Variants in PEG3 observed in about 807,000 individuals in gnomAD.
PEG3 encodes the protein paternally-expressed gene 3 protein.
A neutral mutation model predicts 35.5 loss-of-function variants in PEG3; 23 were observed. That is an observed-to-expected ratio of 0.65 (90% confidence interval 0.47 to 0.92). The LOEUF (loss-of-function observed/expected upper bound fraction) is 0.92. Ranked by LOEUF, PEG3 falls within the 40% of genes least tolerant of loss-of-function variation. The pLI, the probability that PEG3 is intolerant of heterozygous loss-of-function variation, is 0.00. For synonymous variants in PEG3, 707 were observed against 697.0 expected, an observed-to-expected ratio of 1.01 and a Z score of -0.23; for missense variants, 1,960 against 1,985.3, an observed-to-expected ratio of 0.99 and a Z score of 0.24.
chr19:56,811,926 T>C lies in PEG3; in HGVS notation c.*1749A>G. On this transcript the variant is annotated 3_prime_UTR_variant, in exon 10 of 10. Coordinates refer to ENST00000326441, the MANE Select transcript of PEG3 (RefSeq NM_006210.3). ...GGTGATATATTAGGACTCCCTTCTT[T>C]GACTCACTCATTTCTGCTTCTTGCT... 1.0e-6 allele frequency: 1 copy of C among 985,308 alleles called. No homozygotes were observed. The highest frequency in any genetic ancestry group is 1.2e-6 in the Non-Finnish European group (1 of 829,832). The allele number at this position is 985,308 out of a possible 1,614,324, so 61.0% of individuals were successfully genotyped here. A position where few individuals can be genotyped will look rare whatever the true frequency, so the allele number is the denominator to read the frequency against.
chr19:56,824,785 A>T, intron 3 of PEG3, 44 bp from the exon 4 acceptor site: 1 of 891,110 alleles, frequency 1.1e-6, no homozygotes, highest in Non-Finnish European at 1.7e-6. Context: ...GAAGTTGAAG[A>T]CCAGGCAGCA....
rs372724937 is a variant in PEG3 at position 56,814,764 on chromosome 19, T to A, written c.3678A>T (p.Arg1226=). The change falls in exon 10 of 10, where the codon CGA becomes CGT. Residue 1226 remains arginine, a synonymous_variant. Transcript: ENST00000326441. This position sits in a 1 kb window ranked among gnomAD's most constrained non-coding sequence, Gnocchi z 5.8. ...TGAAGCCTTGTCCACACAAAAGGCA[T>A]CGAATGGCCGACCCAGCAAGAGCAG... ...RNPALAGSAI[R]CLLCGQGFIH... The A allele has an allele frequency of 3.1e-6, 5 of 1,614,114 alleles. No individual in the cohort carries two copies. The African/African-American group carries it at 6.7e-5, about 22-fold the overall frequency.
In PEG3 at chr19:56,816,875, G is replaced by A. The variant is rs751200637; in HGVS notation, c.1567C>T (p.His523Tyr). 1 of 1,614,076 alleles carries A rather than the reference G, an allele frequency of 6.2e-7. No homozygotes were observed. The highest frequency in any genetic ancestry group is 1.1e-5 in the South Asian group (1 of 91,078). ...TAACCTCTAGCATGAATCTTCCGAT[G>A]TTCAGCCAAGGCGGCACTCTTATTG... ...TFNKSAALAE[H>Y]RKIHARGYLV... Residue 523 changes from histidine (H) to tyrosine (Y), a missense_variant, in exon 10 of 10, where the codon CAT becomes TAT. Physicochemically the swap from His to Tyr is moderately conservative, Grantham distance 83. This residue lies in a region of PEG3 where 798 missense variants were observed against 782.4 expected (regional missense o/e 1.02). Transcript: ENST00000326441.
At chr19:56,840,215 G>A (rs1011713299) in intron 1 of PEG3, among the ~76,000 whole-genome samples, 1 of 152,324 alleles carries the variant, frequency 6.6e-6, no homozygotes, top group East Asian at 1.9e-4. Context: ...CAGAGCCCCC[G>A]GCTGTCTGCC....
At position 56,823,555 on chromosome 19, in the gene PEG3, C is replaced by A. The variant is rs764999449; in HGVS notation, c.481+38G>T. The A allele has an allele frequency of 2.5e-5, 40 of 1,612,680 alleles. No individual in the cohort carries two copies. The South Asian group carries it at 3.1e-4, about 12-fold the overall frequency. On this transcript the variant is annotated intron_variant, in intron 5 of 9. Coordinates refer to ENST00000326441, the MANE Select transcript of PEG3 (RefSeq NM_006210.3). ...TCCATCTGGAAGCATCTGGCAGCGCCTGCCCATGGGTGACCAGTGGGGATG... is the reference window on the plus strand; with the variant it reads ...TCCATCTGGAAGCATCTGGCAGCGCATGCCCATGGGTGACCAGTGGGGATG...
In PEG3 at chr19:56,824,622, G is replaced by A. The variant is rs773007992; in HGVS notation, c.34C>T (p.Pro12Ser). ...LPPKHLSATK[P>S]KKSWAPNLYE... ...AGATTTGGGGCCCAGGACTTCTTAG[G>A]TTTGGTGGCAGACAAGTGCTTTGGA... The change falls in exon 4 of 10, where the codon CCT becomes TCT. Residue 12 changes from proline to serine, a missense_variant. This residue lies in a region of PEG3 where 613 missense variants were observed against 577.1 expected (regional missense o/e 1.06). Transcript: ENST00000326441. The A allele has an allele frequency of 6.2e-7, 1 of 1,605,980 alleles. No homozygotes were observed. Among genetic ancestry groups the A allele is most frequent in the Non-Finnish European group, 8.5e-7 (1 of 1,173,518 alleles).
In PEG3 at chr19:56,811,122, T is replaced by C. The variant is rs1355912079; in HGVS notation, c.*2553A>G. 2.0e-6 allele frequency: 2 copies of C among 984,298 alleles called. No homozygotes were observed. Among genetic ancestry groups the C allele is most frequent in the East Asian group, 2.3e-4 (2 of 8,820 alleles). 61.0% of individuals were successfully genotyped at this position (984,298 alleles called of 1,614,324 possible). Reference sequence around the variant, plus strand: ...TGATTTTTTTTCCTCCACTTTTCTGTATTTTCCAAGTGTGTGATAATGAGT... The same window carrying C: ...TGATTTTTTTTCCTCCACTTTTCTGCATTTTCCAAGTGTGTGATAATGAGT... On this transcript the variant is annotated 3_prime_UTR_variant, in exon 10 of 10. Transcript: ENST00000326441.
At chr19:56,840,527 C>T (rs367716387) in intron 1 of PEG3, 55 bp downstream of exon 1, 2 of 152,268 alleles carry the variant, frequency 1.3e-5, no homozygotes, top group Non-Finnish European at 2.9e-5. Context: ...AGAGCCGTCG[C>T]GACACCAAGG....
At chr19:56,822,676 CT>C (rs1271976911) in intron 6 of PEG3, 76 bp downstream of exon 6, 1 of 1,567,796 alleles carries the variant, frequency 6.4e-7, no homozygotes, top group Non-Finnish European at 8.7e-7. Flanking sequence ...CTTCGAGGCC[CT>C]GGCACTTTCC....
In PEG3 at chr19:56,817,176, C is replaced by T. The variant is rs957579322; in HGVS notation, c.1266G>A (p.Met422Ile). ...GGCTGCTCACGCTCATGGCTTTTCT[C>T]ATCTCACTACCACATTCAAAGGGCT... ...RKKPFECGSEMRKAMSVSSLS... is the reference protein window; with the variant it reads ...RKKPFECGSEIRKAMSVSSLS... The change falls in exon 10 of 10, where the codon ATG becomes ATA. Residue 422 changes from methionine to isoleucine, a missense_variant. Physicochemically the swap from Met to Ile is conservative, Grantham distance 10. Around this residue, in one of 5 missense-constraint regions of PEG3, gnomAD observed 613 missense variants for 577.1 expected, o/e 1.06. Coordinates refer to ENST00000326441, the MANE Select transcript of PEG3 (RefSeq NM_006210.3). 6.2e-7 allele frequency: 1 copy of T among 1,614,236 alleles called. No individual in the cohort carries two copies. Among genetic ancestry groups the T allele is most frequent in the Non-Finnish European group, 8.5e-7 (1 of 1,180,042 alleles).
chr19:56,839,004 C>T lies in PEG3; in HGVS notation c.-250+1578G>A, dbSNP rs551152363. On this transcript the variant is annotated intron_variant, in intron 1 of 9. Transcript: ENST00000326441. ...CCGCCGCATCTGCCGCCAACCAATC[C>T]GGGCAACGCCTGCGCGGCAAACCTC... Among the ~76,000 whole-genome samples the T allele has an allele frequency of 2.0e-5, 3 of 149,828 alleles. No homozygotes were observed. The South Asian group carries it at 6.4e-4, about 32-fold the overall frequency.
At chr19:56,833,085 A>C in intron 2 of PEG3, 1 of 488,792 alleles carries the variant, frequency 2.0e-6, no homozygotes, top group Non-Finnish European at 4.1e-6. Flanking sequence ...GGAAGAACTT[A>C]ATGAAAGAAC....
Position 56,818,780 on chromosome 19 carries a change from G to A in PEG3, c.670-78C>T, listed in dbSNP as rs1451291799. 4 of 1,506,936 alleles carry A rather than the reference G, an allele frequency of 2.7e-6. No homozygotes were observed. In the African/African-American group the frequency reaches 4.1e-5, roughly 16 times the overall value. 93.3% of individuals were successfully genotyped at this position (1,506,936 alleles called of 1,614,324 possible). On this transcript the variant is annotated intron_variant, in intron 7 of 9. Transcript: ENST00000326441. ...AAGACAGAATAATGTTGGCAACATG[G>A]GAGTTACATATATGAAGTTATATAG... is the stretch of plus-strand genomic sequence containing the variant.
In PEG3 at chr19:56,817,551, T is replaced by C. The variant is rs143368073; in HGVS notation, c.891A>G (p.Lys297=). ...RGLKTMPEAK[K]STHRRGICED... ...CACAAATCCCCCGCCGGTGGGTTGA[T>C]TTTTTGGCTTCAGGCATAGTTTTTA... Residue 297 remains lysine (K), a synonymous_variant, in exon 10 of 10, where the codon AAA becomes AAG. Coordinates refer to ENST00000326441, the MANE Select transcript of PEG3 (RefSeq NM_006210.3). 44 of 1,594,446 alleles carry C rather than the reference T, an allele frequency of 2.8e-5. No homozygotes were observed. The highest frequency in any genetic ancestry group is 5.2e-5 in the Admixed American group (3 of 57,790).
In PEG3 at chr19:56,810,915, G is replaced by C. The variant is rs2059494514; in HGVS notation, c.*2760C>G. The C allele has an allele frequency of 1.0e-6, 1 of 964,356 alleles. No individual in the cohort carries two copies. Among genetic ancestry groups the C allele is most frequent in the African/African-American group, 1.8e-5 (1 of 56,726 alleles). The allele number at this position is 964,356 out of a possible 1,614,324, so 59.7% of individuals were successfully genotyped here. A position where few individuals can be genotyped will look rare whatever the true frequency, so the allele number is the denominator to read the frequency against. Reference sequence around the variant, plus strand: ...AGACACACATAATACACTGTTATCAGGACATTATTATAGGGAACATTTGAA... The same window carrying C: ...AGACACACATAATACACTGTTATCACGACATTATTATAGGGAACATTTGAA... On this transcript the variant is annotated 3_prime_UTR_variant, in exon 10 of 10. Transcript: ENST00000326441.
rs1250035337 is a variant in PEG3, at chr19:56,814,892, T to C, written c.3550A>G (p.Ile1184Val). 1 of 1,614,146 alleles carries C rather than the reference T, an allele frequency of 6.2e-7. No individual in the cohort carries two copies. Among genetic ancestry groups the C allele is most frequent in the Admixed American group, 1.7e-5 (1 of 60,030 alleles). Residue 1184 changes from isoleucine to valine, a missense_variant, in exon 10 of 10, where the codon ATC (isoleucine) becomes GTC (valine). This residue lies in a region of PEG3 where 124 missense variants were observed against 179.6 expected (regional missense o/e 0.69). Coordinates refer to ENST00000326441, the MANE Select transcript of PEG3 (RefSeq NM_006210.3). The surrounding 1 kb of genome is among the most constrained non-coding windows in gnomAD (Gnocchi z 5.8). Reference protein sequence around the residue: ...HSSFLFEHQRIHEQDQLYSMK... With the variant: ...HSSFLFEHQRVHEQDQLYSMK... The stretch of plus-strand genomic sequence containing the variant: ...GAATACAACTGGTCTTGTTCATGGA[T>C]TCTCTGATGCTCGAAAAGGAATGAG...
chr19:56,814,504 G>A lies in PEG3; in HGVS notation c.3938C>T (p.Ser1313Phe). 3.1e-6 allele frequency: 5 copies of A among 1,613,304 alleles called. No individual in the cohort carries two copies. The highest frequency in any genetic ancestry group is 4.2e-6 in the Non-Finnish European group (5 of 1,179,242). The change falls in exon 10 of 10, where the codon TCC (serine) becomes TTC (phenylalanine). Residue 1313 changes from serine to phenylalanine, a missense_variant. Transcript: ENST00000326441. This position sits in a 1 kb window ranked among gnomAD's most constrained non-coding sequence, Gnocchi z 5.8. ...VHKNEPYEYG[S>F]SYTHTSFLTE... ...AAGAAATGAGGTGTGAGTATAGGAG[G>A]ACCCGTACTCATAGGGCTCATTCTT...
chr19:56,820,415 AT>A (rs1263435429), intron 7 of PEG3, among the ~76,000 whole-genome samples: 4 of 152,188 alleles, frequency 2.6e-5, no homozygotes, highest in Non-Finnish European at 5.9e-5. Context: ...TTCTTCACAC[AT>A]TGTCAAGGAA....
chr19:56,832,899 G>C (rs1375691508), intron 2 of PEG3, among the ~76,000 whole-genome samples: 2 of 152,198 alleles, frequency 1.3e-5, no homozygotes, highest in African/African-American at 2.4e-5. Context: ...CCATTCTTTG[G>C]ATATTTTATG....
Sources: gnomAD v4.1 joint callset for allele counts (sites outside exome capture counted in the v4.1 genomes callset) on GRCh38, gnomAD v4.1.1 for gene constraint, gnomAD v4.1.1 regional missense constraint, Gnocchi (gnomAD v3.1) non-coding constraint, MANE v1.5 for transcripts, NCBI Gene and HGNC (gene_info 2026-07-23, HGNC 2026-07-21) for gene names.